The following FAM32A variants were observed in gnomAD, a reference collection of about 807,000 sequenced individuals.
FAM32A encodes protein FAM32A.
In FAM32A, 9 loss-of-function variants were observed where a neutral mutation model predicts 15.8. The observed-to-expected ratio is 0.57, with a 90% CI of 0.34 to 1.00. The LOEUF is 1.00. Among genes scored for constraint, FAM32A ranks in the 50% least tolerant of loss-of-function variants. The pLI is 0.02. For synonymous variants in FAM32A, 64 were observed against 54.9 expected (o/e 1.16, Z -0.73); for missense variants, 113 against 138.3 (o/e 0.82, Z 0.92).
rs1196114001 is a variant in FAM32A at position 16,190,983 on chromosome 19, C to T, written c.*28C>T. The T allele has an allele frequency of 1.0e-5, 16 of 1,592,496 alleles. No homozygotes were observed. Among genetic ancestry groups the T allele is most frequent in the African/African-American group, 5.4e-5 (4 of 74,570 alleles). On this transcript the variant is annotated 3_prime_UTR_variant, in exon 4 of 4. Coordinates refer to ENST00000263384, the MANE Select transcript of FAM32A (RefSeq NM_014077.4). Reference sequence around the variant, plus strand: ...GCCTGCCCCCAGTATGGAGCAGCATCGAGGGTTCGCAAAAGGCCACACTGG... The same window carrying T: ...GCCTGCCCCCAGTATGGAGCAGCATTGAGGGTTCGCAAAAGGCCACACTGG...
chr19:16,185,860 A>G, intron 2 of FAM32A, 95 bp downstream of exon 2: 1 of 1,389,008 alleles, frequency 7.2e-7, no homozygotes, highest in Non-Finnish European at 9.7e-7. Flanking sequence ...AGGGCAGGGG[A>G]GCGGTCAGAG....
At chr19:16,190,781 C>G in intron 3 of FAM32A, 106 bp from the exon 4 acceptor site, 1 of 1,022,372 alleles carries the variant, frequency 9.8e-7, no homozygotes, top group East Asian at 2.4e-5. Context: ...GAGGAGGGGG[C>G]TCAGGAGAGA....
Position 16,190,583 on chromosome 19 carries a change from C to T in FAM32A, c.270+10C>T, listed in dbSNP as rs1472513791. The T allele has an allele frequency of 3.7e-6, 6 of 1,608,830 alleles. No homozygotes were observed. The highest frequency in any genetic ancestry group is 4.3e-6 in the Non-Finnish European group (5 of 1,175,714). The stretch of plus-strand genomic sequence containing the variant: ...CAAGCAGAGAGTGGAGGTGAGTCGC[C>T]GTGTCCAGTGGGGGAGACTGAGCCA... On this transcript the variant is annotated intron_variant, in intron 3 of 3. Transcript: ENST00000263384.
chr19:16,190,618 C>G, intron 3 of FAM32A, 45 bp downstream of exon 3: 2 of 1,470,206 alleles, frequency 1.4e-6, no homozygotes, highest in Non-Finnish European at 1.9e-6. Context: ...ATTCAGGGTC[C>G]CAGCTGGGCC....
chr19:16,189,990 A>G (rs983547396), intron 2 of FAM32A, among the ~76,000 whole-genome samples: 1 of 152,048 alleles, frequency 6.6e-6, no homozygotes, highest in Non-Finnish European at 1.5e-5. Flanking sequence ...CTGCTACCAG[A>G]TACTGACCTT....
At chr19:16,185,876 C>G in intron 2 of FAM32A, 111 bp downstream of exon 2, 1 of 1,217,578 alleles carries the variant, frequency 8.2e-7, no homozygotes, top group Non-Finnish European at 1.1e-6. Flanking sequence ...CAGAGGAGAC[C>G]TTAATTACGG....
At chr19:16,185,836 G>C in intron 2 of FAM32A, 71 bp downstream of exon 2, 3 of 1,492,386 alleles carry the variant, frequency 2.0e-6, no homozygotes, top group Non-Finnish European at 2.7e-6. Context: ...TGGGGTCAGG[G>C]CTGGGACGCT....
intron 2 of FAM32A, 123 bp from the exon 3 acceptor site, chr19:16,190,397 A>C: frequency 3.1e-6 from 2 of 653,456 alleles, no homozygotes. Flanking sequence ...CAAGGCACAG[A>C]GCCTGAAACC....
intron 2 of FAM32A, chr19:16,186,657 T>C (rs561874088): frequency 8.6e-6 from 1 of 116,756 alleles, no homozygotes; most frequent in East Asian, 2.5e-4. Context: ...CTTAACACCA[T>C]AAATGTGTGC....
chr19:16,189,678 T>TTTTA (rs2091398530), intron 2 of FAM32A, among the ~76,000 whole-genome samples: 1 of 132,764 alleles, frequency 7.5e-6, no homozygotes, highest in South Asian at 2.9e-4. Flanking sequence ...CTTTTTTTTT[T>TTTTA]TTTTTTTTTT....
chr19:16,185,481 G>T lies in FAM32A; in HGVS notation c.39G>T (p.Lys13Asn). The change falls in exon 1 of 4, where the codon AAG becomes AAT. Residue 13 changes from lysine (K) to asparagine (N), a missense_variant. By Grantham distance (94) the Lys-to-Asn change is moderately conservative (BLOSUM62 0). Transcript: ENST00000263384. ...AYEQVQKGPL[K>N]LKGVAELGVT... The stretch of plus-strand genomic sequence containing the variant: ...AGCAGGTCCAAAAGGGACCCCTGAA[G>T]CTGAAAGGCGTCGCAGAGCTGGGAG... The T allele has an allele frequency of 6.4e-7, 1 of 1,564,064 alleles. No individual in the cohort carries two copies. Among genetic ancestry groups the T allele is most frequent in the Admixed American group, 1.9e-5 (1 of 52,454 alleles).
chr19:16,191,558 T>G lies in FAM32A; in HGVS notation c.*603T>G, dbSNP rs1238368273. The stretch of plus-strand genomic sequence containing the variant: ...AAGGCAAGAATGGAACGGACACACC[T>G]TGCTCCTTTCTGAGCCCGTTTCCCA... On this transcript the variant is annotated 3_prime_UTR_variant, in exon 4 of 4. Coordinates refer to ENST00000263384, the MANE Select transcript of FAM32A (RefSeq NM_014077.4). 4 of 153,446 alleles carry G rather than the reference T, an allele frequency of 2.6e-5. No individual in the cohort carries two copies. Among genetic ancestry groups the G allele is most frequent in the Non-Finnish European group, 5.8e-5 (4 of 68,902 alleles). 9.5% of individuals were successfully genotyped at this position (153,446 alleles called of 1,614,324 possible). A position where few individuals can be genotyped will look rare whatever the true frequency, so the allele number is the denominator to read the frequency against.
chr19:16,185,878 T>A, intron 2 of FAM32A, 113 bp downstream of exon 2: 2 of 1,191,874 alleles, frequency 1.7e-6, no homozygotes, highest in Non-Finnish European at 2.3e-6. Context: ...GAGGAGACCT[T>A]AATTACGGGG....
chr19:16,189,019 C>CTTT (rs11340905), intron 2 of FAM32A, among the ~76,000 whole-genome samples: 173 of 83,332 alleles, frequency 2.1e-3, no homozygotes, highest in East Asian at 4.9e-3. Context: ...CTCAGTGCTT[C>CTTT]TTTTTTTTTT....
chr19:16,185,791 G>GAGGCGGGA, intron 2 of FAM32A, 26 bp downstream of exon 2: 1 of 1,543,516 alleles, frequency 6.5e-7, no homozygotes, highest in Non-Finnish European at 8.7e-7. Context: ...AGGCGGCGGG[G>GAGGCGGGA]AGGCGGGAAC....
chr19:16,190,243 C>G (rs1161845640), intron 2 of FAM32A, among the ~76,000 whole-genome samples: 2 of 152,160 alleles, frequency 1.3e-5, no homozygotes, highest in Admixed American at 6.5e-5. Context: ...CCTCAGGATG[C>G]AGGAAGCATG....
intron 2 of FAM32A, among the ~76,000 whole-genome samples, chr19:16,190,210 CA>C (rs2091400592): frequency 6.6e-6 from 1 of 152,150 alleles, no homozygotes; most frequent in African/African-American, 2.4e-5. Context: ...TGTTTTCCTC[CA>C]AACTGGGAGT....
At chr19:16,190,706 C>T (rs2091402588) in intron 3 of FAM32A, 133 bp downstream of exon 3, 2 of 862,802 alleles carry the variant, frequency 2.3e-6, no homozygotes, top group Non-Finnish European at 1.9e-6. Flanking sequence ...GTGACACTTC[C>T]CCAGGGTTAT....
chr19:16,185,472 A>AC lies in FAM32A; in HGVS notation c.34dup (p.Leu12ProfsTer167). 1.9e-6 allele frequency: 3 copies of AC among 1,562,210 alleles called. No individual in the cohort carries two copies. The highest frequency in any genetic ancestry group is 1.4e-5 in the African/African-American group (1 of 73,570). On this transcript the variant is annotated frameshift_variant, in exon 1 of 4. Coordinates refer to ENST00000263384, the MANE Select transcript of FAM32A (RefSeq NM_014077.4). LOFTEE classifies it high-confidence loss of function. ...AGGCCTACGAGCAGGTCCAAAAGGG[A>AC]CCCCTGAAGCTGAAAGGCGTCGCAG...
Sources: allele counts gnomAD v4.1 joint callset (sites outside exome capture counted in the v4.1 genomes callset), GRCh38; gene constraint gnomAD v4.1.1; transcripts MANE v1.5; gene names NCBI Gene and HGNC (gene_info 2026-07-23, HGNC 2026-07-21).